The following MORN4 variants were observed in gnomAD, a reference collection of about 807,000 sequenced individuals.
MORN4 encodes MORN repeat containing 4.
A neutral mutation model predicts 16.4 loss-of-function variants in MORN4; 8 were observed. That is an observed-to-expected ratio of 0.49 (90% CI 0.29 to 0.88). The LOEUF (loss-of-function observed/expected upper bound fraction) is 0.88, where lower values mean the gene tolerates loss of function less well. Among genes scored for constraint, MORN4 ranks in the 40% least tolerant of loss-of-function variants. The pLI is 0.09. For synonymous variants in MORN4, 53 were observed against 68.9 expected (o/e 0.77, Z 1.14); for missense variants, 159 against 182.9 (o/e 0.87, Z 0.75).
intron 1 of MORN4, among the ~76,000 whole-genome samples, chr10:97,628,003 C>G (rs559310300): frequency 1.3e-5 from 2 of 152,272 alleles, no homozygotes; most frequent in African/African-American, 4.8e-5. Flanking sequence ...AGTTTTCCAT[C>G]AGAATAGCAG....
intron 1 of MORN4, among the ~76,000 whole-genome samples, chr10:97,622,690 T>C (rs1466566111): frequency 1.9e-5 from 2 of 103,114 alleles, no homozygotes; most frequent in African/African-American, 8.4e-5. Context: ...GGAGACCCTG[T>C]CTCAAAAAAA....
intron 1 of MORN4, among the ~76,000 whole-genome samples, chr10:97,624,387 C>G (rs2041330530): frequency 6.6e-6 from 1 of 152,084 alleles, no homozygotes; most frequent in Admixed American, 6.6e-5. Context: ...ATTTACTGAC[C>G]TCTTACTGTG....
intron 4 of MORN4, 27 bp from the exon 5 acceptor site, chr10:97,616,438 G>A: frequency 6.4e-7 from 1 of 1,573,400 alleles, no homozygotes; most frequent in South Asian, 1.2e-5. Context: ...GAAAATATGG[G>A]AGTGACAATG....
At chr10:97,630,335 G>T (rs574742338) in intron 1 of MORN4, among the ~76,000 whole-genome samples, 1 of 152,250 alleles carries the variant, frequency 6.6e-6, no homozygotes, top group African/African-American at 2.4e-5. Flanking sequence ...CCAAAGTGCT[G>T]GGATTACAGG....
chr10:97,618,384 C>A lies in MORN4; in HGVS notation c.68-1062G>T, dbSNP rs540896803. Among the ~76,000 whole-genome samples, 368 of 151,116 alleles carry A rather than the reference C, an allele frequency of 2.4e-3. 2 individuals are homozygous for A. The highest frequency in any genetic ancestry group is 8.8e-3 in the African/African-American group (361 of 41,166). On this transcript the variant is annotated intron_variant, in intron 2 of 4. Coordinates refer to ENST00000307450, the MANE Select transcript of MORN4 (RefSeq NM_178832.4). ...GTTTTAAATGATTCTCCTCCCTCAGCCTCCCCAGTAGCTGGGATTACAAAG... is the reference window on the plus strand; with the variant it reads ...GTTTTAAATGATTCTCCTCCCTCAGACTCCCCAGTAGCTGGGATTACAAAG...
intron 1 of MORN4, among the ~76,000 whole-genome samples, chr10:97,622,858 C>CATTGATTTATTT (rs1554876394): frequency 7.2e-6 from 1 of 138,446 alleles, no homozygotes; most frequent in Non-Finnish European, 1.5e-5. Context: ...CTTCATCTTT[C>CATTGATTTATTT]ATTTATTTAT....
At chr10:97,630,060 G>A (rs1442681206) in intron 1 of MORN4, among the ~76,000 whole-genome samples, 2 of 152,014 alleles carry the variant, frequency 1.3e-5, no homozygotes, top group African/African-American at 2.4e-5. Context: ...CAGTAGCTGG[G>A]ACTACAGGCG....
At chr10:97,618,032 C>G (rs1168746632) in intron 2 of MORN4, among the ~76,000 whole-genome samples, 1 of 151,046 alleles carries the variant, frequency 6.6e-6, no homozygotes, top group Non-Finnish European at 1.5e-5. Context: ...AAAAATTAGC[C>G]GGGCATGGTG....
chr10:97,615,101 A>G lies in MORN4; in HGVS notation c.*1162T>C, dbSNP rs1277742745. The G allele has an allele frequency of 6.6e-6, 1 of 152,600 alleles. No individual in the cohort carries two copies. The highest frequency in any genetic ancestry group is 2.4e-5 in the African/African-American group (1 of 41,422). 9.5% of individuals were successfully genotyped at this position (152,600 alleles called of 1,614,324 possible). ...TCCTGTTCCCCATCTAAGGAAGGAG[A>G]GAGGCACACATGGGGATTATCTGCT... On this transcript the variant is annotated 3_prime_UTR_variant, in exon 5 of 5. Coordinates refer to ENST00000307450, the MANE Select transcript of MORN4 (RefSeq NM_178832.4).
intron 2 of MORN4, among the ~76,000 whole-genome samples, chr10:97,617,853 C>T (rs145412960): frequency 0.088 from 13,200 of 150,470 alleles, 793 homozygotes; most frequent in East Asian, 0.21. Context: ...AGTGAGACTC[C>T]GTCTCAAAAA....
chr10:97,625,223 T>C (rs892879710), intron 1 of MORN4, among the ~76,000 whole-genome samples: 2 of 152,226 alleles, frequency 1.3e-5, no homozygotes, highest in Non-Finnish European at 2.9e-5. Flanking sequence ...ACTTATACCA[T>C]ACTATCCTAT....
intron 1 of MORN4, among the ~76,000 whole-genome samples, chr10:97,632,038 A>G (rs1465588612): frequency 1.3e-5 from 2 of 152,068 alleles, no homozygotes; most frequent in Admixed American, 1.3e-4. Flanking sequence ...CTAACTACCC[A>G]CATGTCCCCC....
chr10:97,626,395 AATCATAATC>A (rs149414854), intron 1 of MORN4, among the ~76,000 whole-genome samples: 3,877 of 22,180 alleles, frequency 0.17, 190 homozygotes, highest in African/African-American at 0.35. Context: ...TAATAATAAT[AATCATAATC>A]ATAATCATAA....
intron 2 of MORN4, 151 bp downstream of exon 2, chr10:97,619,436 C>A (rs1460842994): frequency 4.5e-6 from 3 of 670,732 alleles, no homozygotes; most frequent in Non-Finnish European, 8.3e-6. Context: ...TTATTTAATC[C>A]TAAAATGGAA....
chr10:97,621,336 G>A (rs2041291499), intron 1 of MORN4, among the ~76,000 whole-genome samples: 1 of 152,096 alleles, frequency 6.6e-6, no homozygotes, highest in Admixed American at 6.6e-5. Context: ...CTGGGCATAA[G>A]AGTTTACAGC....
At chr10:97,619,297 C>T (rs552273759) in intron 2 of MORN4, 3 of 530,566 alleles carry the variant, frequency 5.7e-6, no homozygotes, top group Non-Finnish European at 1.0e-5. Context: ...TGCACTCCAG[C>T]CTAGGCAACA....
intron 4 of MORN4, 44 bp downstream of exon 4, chr10:97,616,634 A>T (rs748760617): frequency 5.4e-6 from 8 of 1,494,024 alleles, no homozygotes; most frequent in Non-Finnish European, 7.5e-6. Flanking sequence ...TTCCACCCAT[A>T]TTATGCCCAC....
chr10:97,625,281 A>T (rs1403898653), intron 1 of MORN4, among the ~76,000 whole-genome samples: 2 of 152,176 alleles, frequency 1.3e-5, no homozygotes, highest in Non-Finnish European at 2.9e-5. Flanking sequence ...TGAGCACAGG[A>T]GGACTTGAGT....
chr10:97,623,162 C>T (rs1427397446), intron 1 of MORN4, among the ~76,000 whole-genome samples: 2 of 152,104 alleles, frequency 1.3e-5, no homozygotes, highest in Non-Finnish European at 2.9e-5. Context: ...GTAGTCAGAG[C>T]CTGGGAACCT....
Sources: allele counts gnomAD v4.1 joint callset (sites outside exome capture counted in the v4.1 genomes callset), GRCh38; gene constraint gnomAD v4.1.1; transcripts MANE v1.5; gene names NCBI Gene and HGNC (gene_info 2026-07-23, HGNC 2026-07-21).